Variants in CDH23 observed in about 807,000 individuals in gnomAD.
CDH23 encodes cadherin-23.
In CDH23, 189 loss-of-function variants were observed where a neutral mutation model predicts 317.1. The ratio of observed to expected loss-of-function variants is 0.60; its 90% CI spans 0.53 to 0.67. CDH23 has a LOEUF of 0.67. Among genes scored for constraint, CDH23 ranks in the 30% least tolerant of loss-of-function variants. CDH23 has a pLI of 0.00. For missense variants in CDH23, 4,401 were observed against 4,592.4 expected (o/e 0.96, Z 1.20); for synonymous variants, 1,839 against 1,876.8 (o/e 0.98, Z 0.52).
At chr10:71,790,700 A>G in intron 46 of CDH23, 1 of 494,070 alleles carries the variant, frequency 2.0e-6, no homozygotes, top group South Asian at 2.4e-5. Context: ...CCCCATGCGC[A>G]GGCCAGAGGC....
chr10:71,755,169 C>T, intron 38 of CDH23: 1 of 685,164 alleles, frequency 1.5e-6, no homozygotes, highest in Non-Finnish European at 2.6e-6. Context: ...CACTTGGCCC[C>T]CGGAAATGGC....
Position 71,805,828 on chromosome 10 carries a change from T to A in CDH23, c.7895T>A (p.Val2632Glu). ...CAGGAGATCCCGCTGCGCTCCAACG[T>A]GTACGAGGTCTACGCCACGGACAAG... ...IREEIPLRSN[V>E]YEVYATDKDE... Residue 2632 changes from valine (V) to glutamate (E), a missense_variant, in exon 56 of 70, where the codon GTG becomes GAG. This residue lies in a region of CDH23 where 1,144 missense variants were observed against 1,138.2 expected (regional missense o/e 1.01). Coordinates refer to ENST00000224721, the MANE Select transcript of CDH23 (RefSeq NM_022124.6). 1 of 1,613,680 alleles carries A rather than the reference T, an allele frequency of 6.2e-7. No individual in the cohort carries two copies. Among genetic ancestry groups the A allele is most frequent in the Non-Finnish European group, 8.5e-7 (1 of 1,179,818 alleles).
At chr10:71,789,192 T>A in intron 45 of CDH23, 150 bp downstream of exon 45, 1 of 586,104 alleles carries the variant, frequency 1.7e-6, no homozygotes, top group Non-Finnish European at 3.0e-6. Context: ...CTCCGGGAGA[T>A]GGTGGGCTGG....
At chr10:71,779,836 T>C (rs1433969221) in intron 41 of CDH23, among the ~76,000 whole-genome samples, 2 of 152,236 alleles carry the variant, frequency 1.3e-5, no homozygotes, top group African/African-American at 2.4e-5. Flanking sequence ...AGGGAGCGCC[T>C]GGCTTGCTCT....
chr10:71,580,758 G>A (rs1424201632), intron 9 of CDH23, among the ~76,000 whole-genome samples: 1 of 152,170 alleles, frequency 6.6e-6, no homozygotes, highest in Admixed American at 6.5e-5. Context: ...AACCCCTGTT[G>A]GGTAATGAGC....
chr10:71,531,408 C>T (rs1184319167), intron 6 of CDH23, among the ~76,000 whole-genome samples: 1 of 152,232 alleles, frequency 6.6e-6, no homozygotes, highest in African/African-American at 2.4e-5. Context: ...TTGACACCCA[C>T]ATGTCTCTAA....
chr10:71,615,028 A>G (rs1038359241), intron 9 of CDH23, among the ~76,000 whole-genome samples: 2 of 152,226 alleles, frequency 1.3e-5, no homozygotes, highest in African/African-American at 4.8e-5. Flanking sequence ...TCATAAATAA[A>G]AAATTAGAAT....
At position 71,530,034 on chromosome 10, in the gene CDH23, G is replaced by GACACACACACACACACACACAC. The variant is rs57652121; in HGVS notation, c.429+18837_429+18858dup. Among the ~76,000 whole-genome samples, 216 of 140,912 alleles carry GACACACACACACACACACACAC rather than the reference G, an allele frequency of 1.5e-3. 1 individual carries two copies. Among genetic ancestry groups the GACACACACACACACACACACAC allele is most frequent in the Admixed American group, 4.5e-3 (64 of 14,250 alleles). 92.4% of individuals were successfully genotyped at this position (140,912 alleles called of 152,430 possible). ...GCATTTGCACACATACACACATACA[G>GACACACACACACACACACACAC]ACACACACACACACACACACACACA... is the stretch of plus-strand genomic sequence containing the variant. On this transcript the variant is annotated intron_variant, in intron 6 of 69. Coordinates refer to ENST00000224721, the MANE Select transcript of CDH23 (RefSeq NM_022124.6).
At chr10:71,715,602 G>A in intron 28 of CDH23, 1 of 230,082 alleles carries the variant, frequency 4.3e-6, no homozygotes, top group Non-Finnish European at 8.4e-6. Flanking sequence ...TCTGTGGCGA[G>A]CGAGGGTGCT....
chr10:71,417,347 G>T (rs759323150), intron 1 of CDH23, among the ~76,000 whole-genome samples: 4 of 152,016 alleles, frequency 2.6e-5, no homozygotes, highest in Non-Finnish European at 5.9e-5. Context: ...AAAGTGCTGG[G>T]ATTACAGATC....
chr10:71,787,341 T>TC (rs1841133477), intron 44 of CDH23, among the ~76,000 whole-genome samples: 1 of 149,222 alleles, frequency 6.7e-6, no homozygotes, highest in Non-Finnish European at 1.5e-5. Flanking sequence ...TTTTTTTTTT[T>TC]AGATTCAGGG....
rs114574770 is a variant in CDH23 at position 71,487,380 on chromosome 10, C to T, written c.146-22702C>T. ...GACTCCCTGAGAACTTAGCCCAAGC[C>T]GTTCAGACCCGTGTTGTTCAAGGGT... On this transcript the variant is annotated intron_variant, in intron 3 of 69. Transcript: ENST00000224721. Among the ~76,000 whole-genome samples, 599 of 152,212 alleles carry T rather than the reference C, an allele frequency of 3.9e-3. 3 individuals are homozygous for T. The highest frequency in any genetic ancestry group is 0.015 in the South Asian group (74 of 4,820).
chr10:71,654,599 C>T lies in CDH23; in HGVS notation c.1449+7982C>T, dbSNP rs552169755. Among the ~76,000 whole-genome samples the T allele has an allele frequency of 3.5e-4, 53 of 152,276 alleles. No individual in the cohort carries two copies. The Middle Eastern group carries it at 0.01, about 29-fold the overall frequency. On this transcript the variant is annotated intron_variant, in intron 14 of 69. Transcript: ENST00000224721. ...TCTTTCCTTGGGATCTGAGGTGACT[C>T]GACCAGCTGGAGTCTGGAAACAGAG...
rs141527194 is a variant in CDH23 at position 71,796,730 on chromosome 10, C to T, written c.6713-374C>T. The T allele has an allele frequency of 2.8e-3, 561 of 199,138 alleles. 2 individuals carry two copies. Among genetic ancestry groups the T allele is most frequent in the Middle Eastern group, 0.017 (9 of 522 alleles). The allele number at this position is 199,138 out of a possible 1,614,324, so 12.3% of individuals were successfully genotyped here. The stretch of plus-strand genomic sequence containing the variant: ...GCAGTTACATAGCTTCTGTGTGCCA[C>T]GCACTGTTCTAAGTACTTTACAAAT... On this transcript the variant is annotated intron_variant, in intron 48 of 69. Coordinates refer to ENST00000224721, the MANE Select transcript of CDH23 (RefSeq NM_022124.6).
chr10:71,520,619 A>G (rs1854616973), intron 6 of CDH23, among the ~76,000 whole-genome samples: 1 of 152,224 alleles, frequency 6.6e-6, no homozygotes, highest in Non-Finnish European at 1.5e-5. Context: ...CAGGGCTGGG[A>G]TGAGGGTGCT....
intron 11 of CDH23, among the ~76,000 whole-genome samples, chr10:71,622,667 C>T (rs1416641967): frequency 1.3e-5 from 2 of 152,206 alleles, no homozygotes; most frequent in Non-Finnish European, 1.5e-5. Flanking sequence ...TCCTCTCATC[C>T]GCTGTCAGGA....
intron 57 of CDH23, among the ~76,000 whole-genome samples, chr10:71,806,644 A>G (rs1176378014): frequency 2.0e-5 from 3 of 149,162 alleles, no homozygotes; most frequent in Non-Finnish European, 4.4e-5. Context: ...CAGTGGCATG[A>G]CCTTGACTCA....
intron 1 of CDH23, among the ~76,000 whole-genome samples, chr10:71,427,245 G>GAA (rs1491574912): frequency 0.014 from 347 of 25,492 alleles, 17 homozygotes; most frequent in African/African-American, 0.041. Flanking sequence ...AAGAAAGAAA[G>GAA]GGAAAGAAAG....
chr10:71,421,803 C>T (rs936842101), intron 1 of CDH23, among the ~76,000 whole-genome samples: 8 of 151,594 alleles, frequency 5.3e-5, no homozygotes, highest in Non-Finnish European at 1.2e-4. Context: ...TTAAAAGAGG[C>T]TGGTGTGGTG....
Sources: gnomAD v4.1 joint callset for allele counts (sites outside exome capture counted in the v4.1 genomes callset) on GRCh38, gnomAD v4.1.1 for gene constraint, gnomAD v4.1.1 regional missense constraint, MANE v1.5 for transcripts, NCBI Gene and HGNC (gene_info 2026-07-23, HGNC 2026-07-21) for gene names.